ERMP1: variants seen among roughly 807,000 people sequenced by gnomAD.
ERMP1 encodes the protein Felix-ina.
ERMP1 carries 86 observed loss-of-function variants against 92.0 expected under a neutral mutation model. That is an observed-to-expected ratio of 0.93 (90% confidence interval 0.79 to 1.12). The LOEUF is 1.12. Ranked by LOEUF, ERMP1 falls within the 50% of genes most tolerant of loss-of-function variation. ERMP1 has a pLI of 0.00. For missense variants in ERMP1, 1,342 were observed against 1,116.3 expected, an observed-to-expected ratio of 1.20 and a Z score of -2.88; for synonymous variants, 530 against 412.8, an observed-to-expected ratio of 1.28 and a Z score of -3.44.
chr9:5,852,129 C>T (rs908629340), intron 6 of ERMP1, among the ~76,000 whole-genome samples: 2 of 152,084 alleles, frequency 1.3e-5, no homozygotes, highest in African/African-American at 4.8e-5. Context: ...AAATAGGCTG[C>T]TTTTGAAATG....
At chr9:5,831,312 C>T (rs1377458033) in intron 1 of ERMP1, among the ~76,000 whole-genome samples, 2 of 152,282 alleles carry the variant, frequency 1.3e-5, no homozygotes, top group Admixed American at 6.5e-5. Flanking sequence ...GTATTCAAAA[C>T]GTGTGACCAC....
chr9:5,853,669 C>T (rs907261314), intron 6 of ERMP1, among the ~76,000 whole-genome samples: 3 of 151,814 alleles, frequency 2.0e-5, no homozygotes, highest in Non-Finnish European at 2.9e-5. Context: ...CGTGCCTACC[C>T]TCCCACTACC....
intron 6 of ERMP1, among the ~76,000 whole-genome samples, chr9:5,857,516 A>G (rs1326719010): frequency 2.0e-5 from 3 of 152,228 alleles, no homozygotes; most frequent in African/African-American, 2.4e-5. Flanking sequence ...ATTTGCAAAT[A>G]TAGAATCTGC....
At chr9:5,797,647 C>CAA (rs58936639) in intron 13 of ERMP1, among the ~76,000 whole-genome samples, 170 bp downstream of exon 13, 2 of 117,258 alleles carry the variant, frequency 1.7e-5, no homozygotes, top group Admixed American at 8.6e-5. Flanking sequence ...GACTCCATCT[C>CAA]AAAAAAAAAA....
At chr9:5,789,579 C>G (rs1347151414) in intron 13 of ERMP1, among the ~76,000 whole-genome samples, 1 of 152,262 alleles carries the variant, frequency 6.6e-6, no homozygotes, top group Admixed American at 6.5e-5. Flanking sequence ...GGGTCTTGCT[C>G]TATCACCTAG....
At chr9:5,855,386 G>A (rs1430721910) in intron 6 of ERMP1, among the ~76,000 whole-genome samples, 4 of 152,176 alleles carry the variant, frequency 2.6e-5, no homozygotes, top group African/African-American at 9.7e-5. Context: ...GAAAGCCTGG[G>A]CTAGAGCCCT....
intron 10 of ERMP1, among the ~76,000 whole-genome samples, chr9:5,804,144 T>C (rs1331561259): frequency 6.6e-6 from 1 of 152,118 alleles, no homozygotes; most frequent in African/African-American, 2.4e-5. Flanking sequence ...TATAATAAAA[T>C]CATAGCTCCT....
intron 13 of ERMP1, among the ~76,000 whole-genome samples, chr9:5,789,760 T>C (rs1828096269): frequency 6.6e-6 from 1 of 152,068 alleles, no homozygotes; most frequent in African/African-American, 2.4e-5. Context: ...CACAGCCCAC[T>C]GCAGCCTTGA....
Position 5,860,612 on chromosome 9 carries a change from A to ATT in ERMP1, n.3056-1003_3056-1002dup, listed in dbSNP as rs35003433. Among the ~76,000 whole-genome samples, 97 of 135,708 alleles carry ATT rather than the reference A, an allele frequency of 7.1e-4. 1 individual carries two copies. The highest frequency in any genetic ancestry group is 2.5e-3 in the East Asian group (12 of 4,838). The allele number at this position is 135,708 out of a possible 152,430, so 89.0% of individuals were successfully genotyped here. On this transcript the variant is annotated intron_variant and non_coding_transcript_variant, in intron 5 of 6. Coordinates refer to the ERMP1 transcript ENST00000690753. ...ACAATTTTATCAACTTCAGTCCACA[A>ATT]TTTTTTTTTTTTTTGTAGAGATCGG...
intron 13 of ERMP1, among the ~76,000 whole-genome samples, chr9:5,789,042 G>GA (rs923367667): frequency 2.6e-5 from 4 of 152,068 alleles, no homozygotes; most frequent in Non-Finnish European, 4.4e-5. Flanking sequence ...AGGCAGGTCA[G>GA]AAAAAATATT....
At chr9:5,791,417 C>A in intron 13 of ERMP1, 1 of 417,960 alleles carries the variant, frequency 2.4e-6, no homozygotes, top group South Asian at 1.7e-5. Context: ...TTATGGAGGG[C>A]AATCTGCTTT....
chr9:5,804,522 T>C (rs190675779), intron 10 of ERMP1, among the ~76,000 whole-genome samples: 1 of 152,200 alleles, frequency 6.6e-6, no homozygotes, highest in Non-Finnish European at 1.5e-5. Context: ...TTGGGTGTCA[T>C]AACAGACTCA....
chr9:5,857,232 G>A (rs1830387314), intron 6 of ERMP1, among the ~76,000 whole-genome samples: 1 of 152,094 alleles, frequency 6.6e-6, no homozygotes. Context: ...GTGTTGCCCA[G>A]GCTGGTCTCA....
upstream of ERMP1, among the ~76,000 whole-genome samples, chr9:5,835,382 T>C (rs1300075749): frequency 6.6e-6 from 1 of 152,074 alleles, no homozygotes; most frequent in Admixed American, 6.5e-5. Context: ...GTGTATAAAA[T>C]GTCAGAGAGT....
upstream of ERMP1, among the ~76,000 whole-genome samples, chr9:5,838,086 A>G (rs1830114908): frequency 6.6e-6 from 1 of 152,176 alleles, no homozygotes; most frequent in Non-Finnish European, 1.5e-5. Context: ...TTATAGAACG[A>G]GACTGTGTCT....
At chr9:5,805,852 T>C in intron 8 of ERMP1, 67 bp from the exon 9 acceptor site, 2 of 1,208,762 alleles carry the variant, frequency 1.7e-6, no homozygotes, top group South Asian at 3.2e-5. Flanking sequence ...TTTATTATAG[T>C]AACACACTTT....
At chr9:5,848,887 A>C (rs1349270384) in intron 6 of ERMP1, among the ~76,000 whole-genome samples, 1 of 152,210 alleles carries the variant, frequency 6.6e-6, no homozygotes, top group African/African-American at 2.4e-5. Context: ...GCAGGTGGCT[A>C]CTTGAAAGAG....
intron 6 of ERMP1, among the ~76,000 whole-genome samples, chr9:5,852,524 G>A (rs769600928): frequency 1.8e-4 from 28 of 151,846 alleles, no homozygotes; most frequent in Non-Finnish European, 3.8e-4. Flanking sequence ...TGAAAGTGCT[G>A]GGATTACAGG....
Position 5,812,993 on chromosome 9 carries a change from G to A in ERMP1, c.917C>T (p.Ala306Val), listed in dbSNP as rs756586390. Residue 306 changes from alanine to valine, a missense_variant, in exon 5 of 15, where the codon GCT becomes GTT. Physicochemically the swap from Ala to Val is moderately conservative, Grantham distance 64. Coordinates refer to ENST00000339450, the MANE Select transcript of ERMP1 (RefSeq NM_024896.3). ...CACCACAGAAGCAAAAGGGTGTTTAGCTGCTGAAACATAAGCTTGAACCAA... is the reference window on the plus strand; with the variant it reads ...CACCACAGAAGCAAAAGGGTGTTTAACTGCTGAAACATAAGCTTGAACCAA... ...PWLVQAYVSAAKHPFASVVAQ... is the reference protein window; with the variant it reads ...PWLVQAYVSAVKHPFASVVAQ... The A allele has an allele frequency of 1.2e-6, 2 of 1,614,004 alleles. No homozygotes were observed. The highest frequency in any genetic ancestry group is 2.2e-5 in the South Asian group (2 of 91,078).
Sources: allele counts gnomAD v4.1 joint callset (sites outside exome capture counted in the v4.1 genomes callset), GRCh38; gene constraint gnomAD v4.1.1; transcripts MANE v1.5; gene names NCBI Gene and HGNC (gene_info 2026-07-23, HGNC 2026-07-21).